The following PDE10A variants were observed in gnomAD, a reference collection of about 807,000 sequenced individuals.
PDE10A encodes phosphodiesterase 10A, also known as cAMP and cAMP-inhibited cGMP 3',5'-cyclic phosphodiesterase 10A.
A neutral mutation model predicts 97.7 loss-of-function variants in PDE10A; 39 were observed. The ratio of observed to expected loss-of-function variants is 0.40; its 90% CI spans 0.31 to 0.52. The LOEUF is 0.52. Ranked by LOEUF, PDE10A falls within the 20% of genes least tolerant of loss-of-function variation. The pLI is 0.56. For missense variants in PDE10A, 731 were observed against 1,047.8 expected (o/e 0.70, Z 4.17); for synonymous variants, 371 against 376.8 (o/e 0.98, Z 0.18).
chr6:165,820,970 C>A (rs544677065), intron 1 of PDE10A, among the ~76,000 whole-genome samples: 2 of 152,316 alleles, frequency 1.3e-5, no homozygotes, highest in South Asian at 4.1e-4. Flanking sequence ...TAATTTATAA[C>A]CCATCTTACA....
chr6:165,374,507 GAATA>G (rs1784486118), intron 18 of PDE10A, among the ~76,000 whole-genome samples: 2 of 151,990 alleles, frequency 1.3e-5, no homozygotes, highest in South Asian at 4.1e-4. Flanking sequence ...CAAAATTTAT[GAATA>G]AATACACAGA....
rs149904368 is a variant in PDE10A at position 165,420,073 on chromosome 6, C to T, written c.1654-1296G>A. Among the ~76,000 whole-genome samples the T allele has an allele frequency of 1.6e-3, 247 of 152,316 alleles. 1 individual carries two copies. Among genetic ancestry groups the T allele is most frequent in the Non-Finnish European group, 2.4e-3 (166 of 68,032 alleles). ...ATCAGGACCTCTAGGTTACTTCTCA[C>T]CTCCCTTAGCCTGTGAGCTACAGAA... On this transcript the variant is annotated intron_variant, in intron 10 of 21. Transcript: ENST00000539869.
chr6:165,589,790 G>A (rs903015756), intron 1 of PDE10A, among the ~76,000 whole-genome samples: 61 of 152,108 alleles, frequency 4.0e-4, no homozygotes, highest in African/African-American at 1.4e-3. Flanking sequence ...TCTGCATATG[G>A]TATGAACTGC....
At chr6:165,767,756 C>T (rs1409271682) in intron 1 of PDE10A, among the ~76,000 whole-genome samples, 1 of 152,126 alleles carries the variant, frequency 6.6e-6, no homozygotes, top group East Asian at 1.9e-4. Flanking sequence ...TTCAAATCCT[C>T]GTGTCTGTGT....
intron 1 of PDE10A, among the ~76,000 whole-genome samples, chr6:165,877,616 T>C (rs780914244): frequency 2.0e-4 from 30 of 152,292 alleles, no homozygotes; most frequent in Admixed American, 3.9e-4. Context: ...AATGGCTAAA[T>C]TGAGCTCATT....
At chr6:165,645,261 C>T (rs1258658144) in intron 1 of PDE10A, among the ~76,000 whole-genome samples, 6 of 152,200 alleles carry the variant, frequency 3.9e-5, no homozygotes. Flanking sequence ...CGGGGGCCTG[C>T]TGGAACCAGT....
chr6:165,962,253 T>C (rs1304608998), intron 1 of PDE10A, among the ~76,000 whole-genome samples: 1 of 152,198 alleles, frequency 6.6e-6, no homozygotes, highest in Non-Finnish European at 1.5e-5. Flanking sequence ...CTCAGAGACC[T>C]CAGGGGCCCC....
At chr6:165,907,157 T>C (rs987543259) in intron 1 of PDE10A, among the ~76,000 whole-genome samples, 2 of 152,248 alleles carry the variant, frequency 1.3e-5, no homozygotes, top group African/African-American at 2.4e-5. Context: ...AGACTATTCA[T>C]GGTGATGGGG....
At chr6:165,450,099 A>G (rs951312607) in intron 4 of PDE10A, 143 bp downstream of exon 4, 2 of 598,138 alleles carry the variant, frequency 3.3e-6, no homozygotes, top group African/African-American at 1.9e-5. Flanking sequence ...GTTTCATAAT[A>G]AAATATTTTC....
chr6:165,467,274 A>G (rs1294622257), intron 3 of PDE10A, among the ~76,000 whole-genome samples: 1 of 152,244 alleles, frequency 6.6e-6, no homozygotes, highest in Admixed American at 6.5e-5. Flanking sequence ...CAAAATATCT[A>G]GCTAAGATAA....
intron 1 of PDE10A, among the ~76,000 whole-genome samples, chr6:165,880,985 T>TAAG (rs1781456344): frequency 6.6e-6 from 1 of 152,260 alleles, no homozygotes; most frequent in Non-Finnish European, 1.5e-5. Flanking sequence ...TTTTGATGTT[T>TAAG]AAGAAGCCTT....
At chr6:165,470,602 T>G (rs149329713) in intron 3 of PDE10A, among the ~76,000 whole-genome samples, 8 of 152,362 alleles carry the variant, frequency 5.3e-5, no homozygotes, top group Admixed American at 1.3e-4. Flanking sequence ...AATTGTTTTC[T>G]TTCTAGTTCT....
intron 1 of PDE10A, among the ~76,000 whole-genome samples, chr6:165,879,096 A>T (rs1314567985): frequency 6.6e-6 from 1 of 152,188 alleles, no homozygotes; most frequent in African/African-American, 2.4e-5. Flanking sequence ...GGTGCAACTG[A>T]CCTGGATATA....
intron 1 of PDE10A, among the ~76,000 whole-genome samples, chr6:165,968,492 A>T (rs760087076): frequency 6.6e-6 from 1 of 152,214 alleles, no homozygotes; most frequent in South Asian, 2.1e-4. Flanking sequence ...CATTTTCAAC[A>T]CGCTAATTTT....
chr6:165,628,627 A>G (rs918646765), intron 1 of PDE10A, among the ~76,000 whole-genome samples: 15 of 152,184 alleles, frequency 9.9e-5, no homozygotes, highest in African/African-American at 3.6e-4. Context: ...TACAGGCTTG[A>G]GCCACTGCAC....
chr6:165,667,093 T>C (rs1414455159), upstream of PDE10A, among the ~76,000 whole-genome samples: 3 of 152,244 alleles, frequency 2.0e-5, no homozygotes, highest in Admixed American at 6.5e-5. Flanking sequence ...TTTAAAAATA[T>C]TATGAAAGTC....
intron 13 of PDE10A, among the ~76,000 whole-genome samples, chr6:165,397,064 G>A (rs191857589): frequency 6.6e-6 from 1 of 152,298 alleles, no homozygotes; most frequent in East Asian, 1.9e-4. Context: ...TGTGTCTACA[G>A]AGTAAGTATA....
At chr6:165,507,969 T>C (rs574233225) in intron 2 of PDE10A, among the ~76,000 whole-genome samples, 3 of 152,126 alleles carry the variant, frequency 2.0e-5, no homozygotes, top group South Asian at 4.1e-4. Context: ...TCAACTTATG[T>C]AGATATATTT....
At chr6:165,543,890 G>GTA (rs1783599596) in intron 1 of PDE10A, among the ~76,000 whole-genome samples, 1 of 151,994 alleles carries the variant, frequency 6.6e-6, no homozygotes, top group African/African-American at 2.4e-5. Flanking sequence ...GTGTGTGTGT[G>GTA]TATGACCACA....
Sources: gnomAD v4.1 joint callset for allele counts (sites outside exome capture counted in the v4.1 genomes callset) on GRCh38, gnomAD v4.1.1 for gene constraint, MANE v1.5 for transcripts, NCBI Gene and HGNC (gene_info 2026-07-23, HGNC 2026-07-21) for gene names.